Variants in TMPRSS15 observed in about 807,000 individuals in gnomAD.
TMPRSS15 encodes enteropeptidase.
TMPRSS15 carries 128 observed loss-of-function variants against 125.3 expected under a neutral mutation model. The observed-to-expected ratio is 1.02, with a 90% CI of 0.89 to 1.18. TMPRSS15 has a LOEUF of 1.18. TMPRSS15 is among the 50% of genes most tolerant of loss of function. The pLI, the probability that TMPRSS15 is intolerant of heterozygous loss-of-function variation, is 0.00. For missense variants in TMPRSS15, 1,283 were observed against 1,212.7 expected (o/e 1.06, Z -0.86); for synonymous variants, 446 against 423.2 (o/e 1.05, Z -0.66).
At chr21:18,289,771 AAT>A (rs1286286185) in intron 21 of TMPRSS15, among the ~76,000 whole-genome samples, 1 of 151,088 alleles carries the variant, frequency 6.6e-6, no homozygotes, top group Non-Finnish European at 1.5e-5. Context: ...CCAGACTGTA[AAT>A]CTATATATGA....
chr21:18,484,556 A>T (rs994165506), intron 1 of TMPRSS15, among the ~76,000 whole-genome samples: 5 of 151,460 alleles, frequency 3.3e-5, no homozygotes, highest in African/African-American at 1.2e-4. Context: ...TCATTCATTC[A>T]TCTGTTCTTT....
Position 18,473,686 on chromosome 21 carries a change from G to C in TMPRSS15, c.10+12113C>G, listed in dbSNP as rs778174312. ...ACCTGAGAAGTATTTTTTTCTAAAA[G>C]AGAAGGTAAAATTGGTTGTGCAACT... is the stretch of plus-strand genomic sequence containing the variant. On this transcript the variant is annotated intron_variant, in intron 1 of 7. Coordinates refer to the TMPRSS15 transcript ENST00000422787. Among the ~76,000 whole-genome samples, 8 of 152,060 alleles carry C rather than the reference G, an allele frequency of 5.3e-5. 1 individual carries two copies. The highest frequency in any genetic ancestry group is 4.1e-4 in the South Asian group (2 of 4,832).
At chr21:18,422,282 A>T (rs2076193886) in intron 1 of TMPRSS15, among the ~76,000 whole-genome samples, 1 of 152,060 alleles carries the variant, frequency 6.6e-6, no homozygotes, top group South Asian at 2.1e-4. Flanking sequence ...CACCACCCCC[A>T]GCCCTGAAGG....
chr21:18,405,086 T>G (rs896571388), upstream of TMPRSS15, among the ~76,000 whole-genome samples: 8 of 152,126 alleles, frequency 5.3e-5, no homozygotes, highest in Non-Finnish European at 1.0e-4. Flanking sequence ...AATGACTGTT[T>G]TCTTTGTATG....
chr21:18,454,892 CAAGTT>C (rs1270688418), intron 1 of TMPRSS15, among the ~76,000 whole-genome samples: 12 of 152,138 alleles, frequency 7.9e-5, no homozygotes, highest in African/African-American at 2.2e-4. Flanking sequence ...TTAGCCAAGT[CAAGTT>C]GACACACAAA....
chr21:18,315,302 T>C (rs753186488), intron 16 of TMPRSS15, 46 bp from the exon 17 acceptor site: 5 of 1,481,264 alleles, frequency 3.4e-6, no homozygotes, highest in Non-Finnish European at 4.7e-6. Context: ...AAAACACAAA[T>C]GGATGATTCT....
chr21:18,444,637 T>TA (rs913823060), intron 1 of TMPRSS15, among the ~76,000 whole-genome samples: 41 of 151,580 alleles, frequency 2.7e-4, no homozygotes, highest in East Asian at 9.7e-4. Flanking sequence ...GTATAAAAAT[T>TA]AAAAAAAAAT....
chr21:18,468,435 T>C (rs1181046894), intron 1 of TMPRSS15, among the ~76,000 whole-genome samples: 1 of 152,164 alleles, frequency 6.6e-6, no homozygotes, highest in Non-Finnish European at 1.5e-5. Flanking sequence ...TTATCTATAA[T>C]GTCTTTCACT....
Position 18,343,651 on chromosome 21 carries a change from T to G in TMPRSS15, c.1283A>C (p.His428Pro). 1 of 1,613,482 alleles carries G rather than the reference T, an allele frequency of 6.2e-7. No homozygotes were observed. The highest frequency in any genetic ancestry group is 8.5e-7 in the Non-Finnish European group (1 of 1,179,666). ...TTTATGGACATTTTCACCATACATATGATACCTAGTTTGGAAAGAAGCAAA... is the reference window on the plus strand; with the variant it reads ...TTTATGGACATTTTCACCATACATAGGATACCTAGTTTGGAAAGAAGCAAA... ...LEPACLSFWYHMYGENVHKLS... is the reference protein window; with the variant it reads ...LEPACLSFWYPMYGENVHKLS... Residue 428 changes from histidine (H) to proline (P), a missense_variant, in exon 12 of 25, where the codon CAT (histidine) becomes CCT (proline). Coordinates refer to ENST00000284885, the MANE Select transcript of TMPRSS15 (RefSeq NM_002772.3).
intron 10 of TMPRSS15, among the ~76,000 whole-genome samples, chr21:18,349,719 CT>C (rs1225660794): frequency 9.2e-5 from 14 of 152,102 alleles, no homozygotes; most frequent in African/African-American, 3.4e-4. Context: ...CATTATATGA[CT>C]TGTCTAATTT....
At chr21:18,345,881 C>CA (rs2075503651) in intron 10 of TMPRSS15, among the ~76,000 whole-genome samples, 1 of 151,226 alleles carries the variant, frequency 6.6e-6, no homozygotes, top group Non-Finnish European at 1.5e-5. Flanking sequence ...TGTTCACAGT[C>CA]AATAGTTATA....
At chr21:18,284,469 C>G (rs2074738807) in intron 21 of TMPRSS15, among the ~76,000 whole-genome samples, 1 of 152,198 alleles carries the variant, frequency 6.6e-6, no homozygotes, top group African/African-American at 2.4e-5. Context: ...TGTTGGGATA[C>G]TGAGCAATGC....
Position 18,269,850 on chromosome 21 carries a change from G to A in TMPRSS15, c.*119C>T. 2.3e-6 allele frequency: 3 copies of A among 1,283,290 alleles called. No individual in the cohort carries two copies. The highest frequency in any genetic ancestry group is 2.2e-6 in the Non-Finnish European group (2 of 914,856). The allele number at this position is 1,283,290 out of a possible 1,614,324, so 79.5% of individuals were successfully genotyped here. ...GGCCCCCTAGCATTTCATTGACATA[G>A]GTAAGAATAAAAACCTTTGGTAACT... On this transcript the variant is annotated 3_prime_UTR_variant, in exon 25 of 25. Transcript: ENST00000284885.
At chr21:18,308,689 C>G (rs1221855753) in intron 18 of TMPRSS15, among the ~76,000 whole-genome samples, 1 of 151,612 alleles carries the variant, frequency 6.6e-6, no homozygotes, top group African/African-American at 2.4e-5. Context: ...TTTGCTGCAC[C>G]CATCAACCCA....
At chr21:18,452,046 C>T (rs1270950187) in intron 1 of TMPRSS15, among the ~76,000 whole-genome samples, 1 of 152,050 alleles carries the variant, frequency 6.6e-6, no homozygotes, top group Non-Finnish European at 1.5e-5. Context: ...AGATCAATAG[C>T]TACATCCGAA....
At chr21:18,339,528 G>A (rs1269824284) in intron 13 of TMPRSS15, among the ~76,000 whole-genome samples, 2 of 152,054 alleles carry the variant, frequency 1.3e-5, no homozygotes, top group Non-Finnish European at 2.9e-5. Context: ...ATATAATTTG[G>A]TAAAAGTATT....
chr21:18,387,441 G>A, intron 3 of TMPRSS15, among the ~76,000 whole-genome samples: 1 of 152,054 alleles, frequency 6.6e-6, no homozygotes, highest in Non-Finnish European at 1.5e-5. Context: ...TGTGCTCAAA[G>A]GGCAAAAGAA....
chr21:18,296,508 A>G (rs559316806), intron 19 of TMPRSS15, among the ~76,000 whole-genome samples: 1 of 152,198 alleles, frequency 6.6e-6, no homozygotes, highest in South Asian at 2.1e-4. Flanking sequence ...AATAGCACAC[A>G]CATACATTAT....
At chr21:18,483,519 C>T (rs946188755) in intron 1 of TMPRSS15, among the ~76,000 whole-genome samples, 7 of 151,692 alleles carry the variant, frequency 4.6e-5, no homozygotes, top group African/African-American at 1.5e-4. Context: ...GTTTACATAG[C>T]GTAACATTTT....
Sources: allele counts gnomAD v4.1 joint callset (sites outside exome capture counted in the v4.1 genomes callset), GRCh38; gene constraint gnomAD v4.1.1; transcripts MANE v1.5; gene names NCBI Gene and HGNC (gene_info 2026-07-23, HGNC 2026-07-21).